The following CAPN10 variants were observed in gnomAD, a reference collection of about 807,000 sequenced individuals.
CAPN10 encodes calpain-10.
A neutral mutation model predicts 78.4 loss-of-function variants in CAPN10; 71 were observed. The ratio of observed to expected loss-of-function variants is 0.91; its 90% CI spans 0.75 to 1.10. The LOEUF (loss-of-function observed/expected upper bound fraction) is 1.10. CAPN10 is among the 50% of genes least tolerant of loss of function. CAPN10 has a pLI of 0.00. For missense variants in CAPN10, 849 were observed against 924.6 expected (o/e 0.92, Z 1.06); for synonymous variants, 437 against 407.2 (o/e 1.07, Z -0.88).
Position 240,598,662 on chromosome 2 carries a change from G to T in CAPN10, c.2001G>T (p.Met667Ile). ...ATCTGTCTTTGCAGGTCTCCATCAT[G>T]GCAGTGATGAAAACCTAACAGGGTG... ...LGQFLQEVSI[M>I]AVMKT Residue 667 changes from methionine to isoleucine, a missense_variant, in exon 12 of 12, where the codon ATG (methionine) becomes ATT (isoleucine). By Grantham distance (10) the Met-to-Ile change is conservative. Coordinates refer to ENST00000391984, the MANE Select transcript of CAPN10 (RefSeq NM_023083.4). 1 of 1,578,188 alleles carries T rather than the reference G, an allele frequency of 6.3e-7. No individual in the cohort carries two copies. The highest frequency in any genetic ancestry group is 1.9e-5 in the Admixed American group (1 of 53,120).
intron 1 of CAPN10, among the ~76,000 whole-genome samples, chr2:240,588,484 T>A (rs1198164040): frequency 2.0e-5 from 3 of 151,884 alleles, no homozygotes; most frequent in Non-Finnish European, 4.4e-5. Context: ...GCATGCGGCC[T>A]CACAGAAGCT....
At chr2:240,595,876 C>G in intron 7 of CAPN10, 2 of 1,200,444 alleles carry the variant, frequency 1.7e-6, no homozygotes, top group Non-Finnish European at 1.1e-6. Flanking sequence ...GAGTGTGGGT[C>G]GAGGATATGC....
rs773316366 is a variant in CAPN10 at position 240,596,434 on chromosome 2, A to G, written c.1394A>G (p.Tyr465Cys). 1.5e-5 allele frequency: 25 copies of G among 1,613,552 alleles called. No homozygotes were observed. The highest frequency in any genetic ancestry group is 2.1e-5 in the Non-Finnish European group (25 of 1,179,938). Residue 465 changes from tyrosine to cysteine, a missense_variant, in exon 8 of 12, where the codon TAC (tyrosine) becomes TGC (cysteine). Tyr to Cys is a radical substitution (Grantham distance 194, BLOSUM62 -2). Coordinates refer to ENST00000391984, the MANE Select transcript of CAPN10 (RefSeq NM_023083.4). ...VHLRCELSPG[Y>C]YLAVPSTFLK... ...CTGCGTTGTGAGCTCTCACCGGGCT[A>G]CTACCTGGCTGTCCCCAGCACCTTC... is the stretch of plus-strand genomic sequence containing the variant.
At chr2:240,597,360 C>T (rs1017404783) in intron 9 of CAPN10, among the ~76,000 whole-genome samples, 18 of 152,180 alleles carry the variant, frequency 1.2e-4, no homozygotes, top group Admixed American at 2.6e-4. Flanking sequence ...AGCAGCCCCT[C>T]GGGTGTGAGG....
At position 240,598,003 on chromosome 2, in the gene CAPN10, C is replaced by T. The variant is rs1425649816; in HGVS notation, c.1859C>T (p.Ala620Val). ...GTGAGCCGGCTCTGCCTCCTGCCTG[C>T]GGGCACCTACAAGGTTGTGCCCTCC... ...QEVSRLCLLP[A>V]GTYKVVPSTY... The change falls in exon 10 of 12, where the codon GCG becomes GTG. Residue 620 changes from alanine (A) to valine (V), a missense_variant. Physicochemically the swap from Ala to Val is moderately conservative, Grantham distance 64. Coordinates refer to ENST00000391984, the MANE Select transcript of CAPN10 (RefSeq NM_023083.4). The T allele has an allele frequency of 8.1e-6, 13 of 1,613,102 alleles. No homozygotes were observed. In the Admixed American group the frequency reaches 8.3e-5, roughly 10 times the overall value.
At position 240,594,532 on chromosome 2, in the gene CAPN10, G is replaced by T. The variant is rs1284172406; in HGVS notation, c.831-11G>T. On this transcript the variant is annotated splice_polypyrimidine_tract_variant and intron_variant, in intron 5 of 11. Coordinates refer to ENST00000391984, the MANE Select transcript of CAPN10 (RefSeq NM_023083.4). ...CGGGAGGGGCTTCTGCTGAGATGAG[G>T]TTTCTTCCAGGGGTGAAGGGTGGAG... 1 of 1,609,412 alleles carries T rather than the reference G, an allele frequency of 6.2e-7. No homozygotes were observed. The highest frequency in any genetic ancestry group is 2.2e-5 in the East Asian group (1 of 44,782).
intron 10 of CAPN10, 23 bp downstream of exon 10, chr2:240,598,110 C>A: frequency 6.3e-7 from 1 of 1,589,852 alleles, no homozygotes; most frequent in Non-Finnish European, 8.6e-7. Context: ...GACTTGGGGG[C>A]GGCCAGCTGG....
Position 240,598,097 on chromosome 2 carries a change from T to C in CAPN10, c.1943+10T>C, listed in dbSNP as rs770060022. On this transcript the variant is annotated intron_variant, in intron 10 of 11. Coordinates refer to ENST00000391984, the MANE Select transcript of CAPN10 (RefSeq NM_023083.4). Reference sequence around the variant, plus strand: ...CAACCAGGATTGACAGGTGGGGCTCTGGGACTTGGGGGCGGCCAGCTGGAG... The same window carrying C: ...CAACCAGGATTGACAGGTGGGGCTCCGGGACTTGGGGGCGGCCAGCTGGAG... The C allele has an allele frequency of 1.2e-5, 19 of 1,600,234 alleles. No individual in the cohort carries two copies. The African/African-American group carries it at 2.3e-4, about 19-fold the overall frequency.
intron 7 of CAPN10, 86 bp downstream of exon 7, chr2:240,595,390 G>T (rs768283641): frequency 7.0e-7 from 1 of 1,422,456 alleles, no homozygotes; most frequent in Non-Finnish European, 9.6e-7. Context: ...TGGCTCTGCC[G>T]GGACACATGT....
chr2:240,597,018 C>G, intron 9 of CAPN10, 76 bp downstream of exon 9: 1 of 1,566,132 alleles, frequency 6.4e-7, no homozygotes, highest in Non-Finnish European at 8.8e-7. Flanking sequence ...CTCCATTGTC[C>G]CAACAGAGGG....
At chr2:240,594,987 C>T (rs1398820400) in intron 6 of CAPN10, 37 bp from the exon 7 acceptor site, 24 of 1,603,990 alleles carry the variant, frequency 1.5e-5, no homozygotes, top group Non-Finnish European at 1.8e-5. Flanking sequence ...AGCGAGGAGC[C>T]GTGTCCCACA....
At position 240,598,814 on chromosome 2, in the gene CAPN10, G is replaced by A. The variant is rs1434531183; in HGVS notation, c.*134G>A. The A allele has an allele frequency of 7.3e-6, 6 of 818,916 alleles. No homozygotes were observed. The highest frequency in any genetic ancestry group is 5.4e-5 in the East Asian group (2 of 37,254). The allele number at this position is 818,916 out of a possible 1,614,324, so 50.7% of individuals were successfully genotyped here. On this transcript the variant is annotated 3_prime_UTR_variant, in exon 12 of 12. Coordinates refer to ENST00000391984, the MANE Select transcript of CAPN10 (RefSeq NM_023083.4). ...GCCTGCCTCCCAGCCCTGCCAGGAGGCTGCGGCCTAGGGGTCCACGGGAAG... is the reference window on the plus strand; with the variant it reads ...GCCTGCCTCCCAGCCCTGCCAGGAGACTGCGGCCTAGGGGTCCACGGGAAG...
intron 7 of CAPN10, chr2:240,595,996 C>T (rs1559426557): frequency 1.4e-6 from 2 of 1,423,694 alleles, no homozygotes; most frequent in South Asian, 2.4e-5. Flanking sequence ...CATGATGTTC[C>T]TTTCCTCTTG....
In CAPN10 at chr2:240,586,802, G is replaced by T; in HGVS notation, c.-110G>T. 1 of 1,130,392 alleles carries T rather than the reference G, an allele frequency of 8.8e-7. No homozygotes were observed. The highest frequency in any genetic ancestry group is 1.6e-5 in the African/African-American group (1 of 61,148). The allele number at this position is 1,130,392 out of a possible 1,614,324, so 70.0% of individuals were successfully genotyped here. On this transcript the variant is annotated 5_prime_UTR_variant, in exon 1 of 12. Transcript: ENST00000391984. ...GCCCTCGGGCTTGGAGGGCTGGGCC[G>T]GGCGGGGAACGGGCGGGGCGGGCCG... is the stretch of plus-strand genomic sequence containing the variant.
In CAPN10 at chr2:240,598,650, G is replaced by A; in HGVS notation, c.1990-1G>A. 6.3e-7 allele frequency: 1 copy of A among 1,578,380 alleles called. No homozygotes were observed. The highest frequency in any genetic ancestry group is 1.3e-5 in the African/African-American group (1 of 74,770). On this transcript the variant is annotated splice_acceptor_variant, in intron 11 of 11. Transcript: ENST00000391984. LOFTEE classifies it high-confidence loss of function. ...CCCGGGCCCCCCATCTGTCTTTGCA[G>A]GTCTCCATCATGGCAGTGATGAAAA...
intron 11 of CAPN10, 21 bp from the exon 12 acceptor site, chr2:240,598,630 G>GC: frequency 1.3e-6 from 2 of 1,571,518 alleles, no homozygotes; most frequent in Non-Finnish European, 1.7e-6. Flanking sequence ...CGCTGCCCGG[G>GC]CCCCCCATCT....
chr2:240,594,080 G>A (rs762984669), intron 5 of CAPN10, 33 bp downstream of exon 5: 22 of 1,541,400 alleles, frequency 1.4e-5, no homozygotes, highest in Middle Eastern at 1.9e-4. Context: ...TGCTGCTGTC[G>A]GGAGGGGGGC....
intron 9 of CAPN10, among the ~76,000 whole-genome samples, chr2:240,597,549 G>A (rs764810611): frequency 1.2e-4 from 18 of 152,174 alleles, no homozygotes; most frequent in Non-Finnish European, 2.1e-4. Context: ...TTGGACCCTC[G>A]CTGTTTGCCC....
rs1473954891 is a variant in CAPN10 at position 240,596,404 on chromosome 2, TCCACCTG to T, written c.1366_1372del (p.His456ValfsTer17). ...GCGTGCCATGCATACGACCGGGAGG[TCCACCTG>T]CGTTGTGAGCTCTCACCGGGCTACT... On this transcript the variant is annotated frameshift_variant, in exon 8 of 12. Transcript: ENST00000391984. LOFTEE classifies it high-confidence loss of function. The T allele has an allele frequency of 6.2e-7, 1 of 1,613,116 alleles. No individual in the cohort carries two copies. The highest frequency in any genetic ancestry group is 1.7e-5 in the Admixed American group (1 of 59,986).
Sources: allele counts gnomAD v4.1 joint callset (sites outside exome capture counted in the v4.1 genomes callset), GRCh38; gene constraint gnomAD v4.1.1; transcripts MANE v1.5; gene names NCBI Gene and HGNC (gene_info 2026-07-23, HGNC 2026-07-21).